The following DIP2C variants were observed in gnomAD, a reference collection of about 807,000 sequenced individuals.
The protein encoded by DIP2C is disco-interacting protein 2 homolog C.
DIP2C carries 33 observed loss-of-function variants against 192.4 expected under a neutral mutation model. That is an observed-to-expected ratio of 0.17 (90% CI 0.13 to 0.23). The LOEUF is 0.23. DIP2C is among the 10% of genes least tolerant of loss of function. The pLI, the probability that DIP2C is intolerant of heterozygous loss-of-function variation, is 1.00. For synonymous variants in DIP2C, 979 were observed against 864.1 expected, an observed-to-expected ratio of 1.13 and a Z score of -2.33; for missense variants, 1,537 against 2,110.1, an observed-to-expected ratio of 0.73 and a Z score of 5.32.
intron 1 of DIP2C, among the ~76,000 whole-genome samples, chr10:613,546 A>G (rs903539679): frequency 3.9e-5 from 6 of 152,190 alleles, no homozygotes; most frequent in African/African-American, 1.4e-4. Context: ...ATTCGTCTCC[A>G]CCCTGGAAAT....
Position 275,758 on chromosome 10 carries a change from A to T in DIP2C, c.*1567T>A, listed in dbSNP as rs962479778. Reference sequence around the variant, plus strand: ...ACACCGTGGGCCAATTCAATTTAGAAGTGCACAGGTGAGCTCTGAGAAGGT... The same window carrying T: ...ACACCGTGGGCCAATTCAATTTAGATGTGCACAGGTGAGCTCTGAGAAGGT... On this transcript the variant is annotated 3_prime_UTR_variant, in exon 37 of 37. Transcript: ENST00000280886. 6.6e-6 allele frequency: 1 copy of T among 152,170 alleles called. No homozygotes were observed. Among genetic ancestry groups the T allele is most frequent in the African/African-American group, 2.4e-5 (1 of 41,440 alleles). The allele number at this position is 152,170 out of a possible 1,614,324, so 9.4% of individuals were successfully genotyped here.
intron 1 of DIP2C, among the ~76,000 whole-genome samples, chr10:522,901 G>A (rs545432213): frequency 2.0e-5 from 3 of 152,024 alleles, no homozygotes; most frequent in East Asian, 1.9e-4. Flanking sequence ...CAACACGCTC[G>A]TTTCTACCTG....
intron 2 of DIP2C, among the ~76,000 whole-genome samples, chr10:478,890 G>GGGGAGGAAGAGAGGGGTA (rs2133498256): frequency 6.6e-6 from 1 of 152,254 alleles, no homozygotes; most frequent in South Asian, 2.1e-4. Context: ...GAGAAGATAG[G>GGGGAGGAAGAGAGGGGTA]GGGAGGAAGA....
At chr10:300,331 ACAATG>A (rs1490566142) in intron 32 of DIP2C, among the ~76,000 whole-genome samples, 15 of 152,242 alleles carry the variant, frequency 9.9e-5, no homozygotes, top group Non-Finnish European at 1.8e-4. Flanking sequence ...AGATTTTGAC[ACAATG>A]CTACAACATC....
intron 24 of DIP2C, among the ~76,000 whole-genome samples, chr10:353,456 T>G (rs900226305): frequency 7.9e-5 from 12 of 152,250 alleles, no homozygotes; most frequent in African/African-American, 2.9e-4. Flanking sequence ...TGGCATGATC[T>G]TGGCTCACTG....
At chr10:577,259 A>G (rs998532260) in intron 1 of DIP2C, among the ~76,000 whole-genome samples, 1 of 152,264 alleles carries the variant, frequency 6.6e-6, no homozygotes, top group Non-Finnish European at 1.5e-5. Context: ...CACTGGATTT[A>G]GAGAACATGT....
At chr10:533,530 T>C (rs1248071262) in intron 1 of DIP2C, among the ~76,000 whole-genome samples, 3 of 151,998 alleles carry the variant, frequency 2.0e-5, no homozygotes, top group Admixed American at 2.0e-4. Flanking sequence ...AGTGCCAGTG[T>C]GTTCAGGAGT....
At chr10:603,824 T>C (rs1852269541) in intron 1 of DIP2C, among the ~76,000 whole-genome samples, 1 of 152,160 alleles carries the variant, frequency 6.6e-6, no homozygotes, top group African/African-American at 2.4e-5. Context: ...AAGGGGTCAG[T>C]AGGCTGCATT....
chr10:561,935 C>G (rs1046461299), intron 1 of DIP2C, among the ~76,000 whole-genome samples: 5 of 152,224 alleles, frequency 3.3e-5, no homozygotes, highest in Admixed American at 2.6e-4. Context: ...GTCAGCAGTG[C>G]GGCTCCGCTG....
intron 3 of DIP2C, among the ~76,000 whole-genome samples, chr10:448,645 T>TG (rs1180534850): frequency 9.5e-6 from 1 of 105,330 alleles, no homozygotes; most frequent in Non-Finnish European, 1.7e-5. Context: ...TCACACACAG[T>TG]GGGGCAAGCA....
intron 9 of DIP2C, among the ~76,000 whole-genome samples, chr10:408,616 C>T (rs1964974424): frequency 6.6e-6 from 1 of 151,988 alleles, no homozygotes. Flanking sequence ...ATCTTGGGGG[C>T]ATCTAAAGCA....
chr10:352,870 A>G (rs1232241460), intron 24 of DIP2C, among the ~76,000 whole-genome samples: 3 of 152,164 alleles, frequency 2.0e-5, no homozygotes, highest in Non-Finnish European at 1.5e-5. Flanking sequence ...CTTGCTCCCC[A>G]GGAATCCTAA....
At chr10:288,295 A>C in intron 33 of DIP2C, 69 bp downstream of exon 33, 1 of 1,430,642 alleles carries the variant, frequency 7.0e-7, no homozygotes, top group Non-Finnish European at 9.6e-7. Flanking sequence ...ACATTTCCTA[A>C]AATTTCAAAG....
intron 1 of DIP2C, among the ~76,000 whole-genome samples, chr10:521,717 G>A (rs570742698): frequency 6.6e-6 from 1 of 152,320 alleles, no homozygotes; most frequent in Non-Finnish European, 1.5e-5. Context: ...GTAGAACACA[G>A]GAGACACCCT....
intron 32 of DIP2C, among the ~76,000 whole-genome samples, chr10:309,056 A>C: frequency 6.6e-6 from 1 of 152,224 alleles, no homozygotes; most frequent in East Asian, 1.9e-4. Flanking sequence ...CGATAAGGGA[A>C]GGCACCATGT....
chr10:405,601 G>C (rs1471096103), intron 9 of DIP2C, among the ~76,000 whole-genome samples: 1 of 152,110 alleles, frequency 6.6e-6, no homozygotes, highest in East Asian at 1.9e-4. Context: ...CTGTTGTATT[G>C]CTACCTCCAT....
chr10:303,510 A>G (rs970956788), intron 32 of DIP2C, among the ~76,000 whole-genome samples: 2 of 151,940 alleles, frequency 1.3e-5, no homozygotes, highest in Admixed American at 6.6e-5. Flanking sequence ...TTTTCTATTA[A>G]AAGTTTTTTA....
chr10:423,503 T>C (rs1326719941), intron 4 of DIP2C, among the ~76,000 whole-genome samples: 2 of 152,222 alleles, frequency 1.3e-5, no homozygotes, highest in Non-Finnish European at 2.9e-5. Flanking sequence ...TAGATACCCA[T>C]GCAGCTGATT....
At chr10:298,278 C>A (rs528913662) in intron 32 of DIP2C, among the ~76,000 whole-genome samples, 1 of 152,278 alleles carries the variant, frequency 6.6e-6, no homozygotes, top group South Asian at 2.1e-4. Context: ...TTGTAGGCTG[C>A]CCTTTGGTTG....
Sources: allele counts gnomAD v4.1 joint callset (sites outside exome capture counted in the v4.1 genomes callset), GRCh38; gene constraint gnomAD v4.1.1; transcripts MANE v1.5; gene names NCBI Gene and HGNC (gene_info 2026-07-23, HGNC 2026-07-21).